OCA2: variants seen among roughly 807,000 people sequenced by gnomAD.
The protein encoded by OCA2 is OCA2 melanosomal transmembrane protein.
A neutral mutation model predicts 100.2 loss-of-function variants in OCA2; 77 were observed. The observed-to-expected ratio is 0.77, with a 90% CI of 0.64 to 0.93. OCA2 has a LOEUF of 0.93. Among genes scored for constraint, OCA2 ranks in the 40% least tolerant of loss-of-function variants. The probability of loss-of-function intolerance (pLI) is 0.00; values close to 1 mark genes in which losing one functional copy is unlikely to be tolerated. For missense variants in OCA2, 1,062 were observed against 1,089.1 expected (o/e 0.98, Z 0.35); for synonymous variants, 432 against 439.2 (o/e 0.98, Z 0.21).
intron 21 of OCA2, among the ~76,000 whole-genome samples, chr15:27,867,207 T>G (rs2036360856): frequency 1.3e-5 from 2 of 152,222 alleles, no homozygotes; most frequent in African/African-American, 4.8e-5. Context: ...ACAAACAGAA[T>G]GATTTCCACT....
At chr15:27,893,174 A>G (rs2037537843) in intron 19 of OCA2, among the ~76,000 whole-genome samples, 1 of 152,238 alleles carries the variant, frequency 6.6e-6, no homozygotes, top group African/African-American at 2.4e-5. Flanking sequence ...TAAATTGTGA[A>G]GATTTCATAT....
chr15:27,734,165 A>T, the OCA2 span, among the ~76,000 whole-genome samples: 1 of 151,194 alleles, frequency 6.6e-6, no homozygotes, highest in African/African-American at 2.4e-5. Context: ...AAAAAAAAAA[A>T]AAATTATATG....
At chr15:27,977,282 T>C (rs1394818757) in intron 14 of OCA2, among the ~76,000 whole-genome samples, 1 of 152,214 alleles carries the variant, frequency 6.6e-6, no homozygotes, top group African/African-American at 2.4e-5. Flanking sequence ...ACTTTTAGTT[T>C]AATTTCTCTT....
chr15:27,800,982 T>G (rs935613464), intron 23 of OCA2, among the ~76,000 whole-genome samples: 1 of 152,042 alleles, frequency 6.6e-6, no homozygotes, highest in African/African-American at 2.4e-5. Flanking sequence ...ACAATTTTTT[T>G]TGAAATCATA....
chr15:27,807,104 C>A (rs1406854604), intron 23 of OCA2, among the ~76,000 whole-genome samples: 2 of 151,054 alleles, frequency 1.3e-5, no homozygotes, highest in Non-Finnish European at 2.9e-5. Flanking sequence ...GCCCGCCCAC[C>A]TCTGGGGAAG....
intron 14 of OCA2, among the ~76,000 whole-genome samples, chr15:27,975,062 C>T (rs977464183): frequency 5.9e-5 from 9 of 152,172 alleles, no homozygotes; most frequent in Admixed American, 1.3e-4. Flanking sequence ...CAGTTTTCTA[C>T]GTGGCTTGGT....
At chr15:28,095,849 A>T (rs991454728) in intron 1 of OCA2, among the ~76,000 whole-genome samples, 1 of 152,200 alleles carries the variant, frequency 6.6e-6, no homozygotes, top group Non-Finnish European at 1.5e-5. Context: ...CTCTGCAGCC[A>T]ACTCCCCTCT....
intron 2 of OCA2, among the ~76,000 whole-genome samples, chr15:28,049,673 T>C (rs1236619148): frequency 6.6e-6 from 1 of 152,238 alleles, no homozygotes; most frequent in Non-Finnish European, 1.5e-5. Context: ...TGATGAACCT[T>C]GAAAACATCA....
chr15:27,912,422 T>C lies in OCA2; in HGVS notation c.2079+13705A>G, dbSNP rs74426815. On this transcript the variant is annotated intron_variant, in intron 19 of 23. Transcript: ENST00000354638. ...ATGATGTGAGAAAATGAAAAACTGA[T>C]TGAAAATTGATGAGGATGTGTCTAA... is the stretch of plus-strand genomic sequence containing the variant. Among the ~76,000 whole-genome samples the C allele has an allele frequency of 1.6e-3, 250 of 151,994 alleles. 1 individual carries two copies. The highest frequency in any genetic ancestry group is 5.9e-3 in the African/African-American group (243 of 41,456).
At chr15:28,022,391 T>TGAG in intron 6 of OCA2, 110 bp downstream of exon 6, 2 of 621,372 alleles carry the variant, frequency 3.2e-6, no homozygotes, top group Non-Finnish European at 5.1e-6. Flanking sequence ...ATTCGAGTGG[T>TGAG]AATGGCCTGT....
intron 15 of OCA2, among the ~76,000 whole-genome samples, chr15:27,960,758 G>A (rs1053432516): frequency 6.6e-6 from 1 of 152,018 alleles, no homozygotes; most frequent in Non-Finnish European, 1.5e-5. Flanking sequence ...CAAAAAATTA[G>A]CTGGGCATGG....
chr15:28,005,939 A>G (rs533073985), intron 9 of OCA2, among the ~76,000 whole-genome samples: 2 of 152,316 alleles, frequency 1.3e-5, no homozygotes, highest in East Asian at 1.9e-4. Context: ...TTGGCTACAG[A>G]TAATTCCCAT....
At chr15:27,736,838 G>C in the OCA2 span, among the ~76,000 whole-genome samples, 2 of 152,150 alleles carry the variant, frequency 1.3e-5, no homozygotes, top group African/African-American at 4.8e-5. Context: ...GAAATGTCTA[G>C]TCCTGACCAG....
intron 4 of OCA2, among the ~76,000 whole-genome samples, chr15:28,026,079 C>T (rs75509540): frequency 0.02 from 3,116 of 152,260 alleles, 60 homozygotes; most frequent in African/African-American, 0.051. Flanking sequence ...TTTCTTTCTA[C>T]GTAACTGACA....
At chr15:27,929,786 C>A (rs2039176623) in intron 18 of OCA2, among the ~76,000 whole-genome samples, 1 of 90,344 alleles carries the variant, frequency 1.1e-5, no homozygotes, top group African/African-American at 3.5e-5. Flanking sequence ...ATTTTTAATT[C>A]TCAAATTCAA....
At chr15:27,827,543 A>C (rs913756056) in intron 23 of OCA2, among the ~76,000 whole-genome samples, 4 of 150,772 alleles carry the variant, frequency 2.7e-5, no homozygotes. Flanking sequence ...TGTAATTCTC[A>C]TGAGTCATTT....
chr15:27,754,022 G>A (rs1308648815), downstream of OCA2, among the ~76,000 whole-genome samples: 3 of 152,080 alleles, frequency 2.0e-5, no homozygotes, highest in Non-Finnish European at 4.4e-5. Flanking sequence ...GTGAGACCAA[G>A]CAAAGTACGG....
the OCA2 span, among the ~76,000 whole-genome samples, chr15:27,733,725 T>C: frequency 5.3e-5 from 8 of 152,180 alleles, no homozygotes; most frequent in Non-Finnish European, 1.0e-4. Context: ...TAATTAATTT[T>C]TTATTTATTA....
intron 23 of OCA2, among the ~76,000 whole-genome samples, chr15:27,817,832 C>T (rs7169607): frequency 0.5 from 76,075 of 151,928 alleles, 19,706 homozygotes; most frequent in South Asian, 0.76. Context: ...ATAAGAAGGG[C>T]CCACGCTTTT....
Sources: allele counts gnomAD v4.1 joint callset (sites outside exome capture counted in the v4.1 genomes callset), GRCh38; gene constraint gnomAD v4.1.1; transcripts MANE v1.5; gene names NCBI Gene and HGNC (gene_info 2026-07-23, HGNC 2026-07-21).